PUS1: variants seen among roughly 807,000 people sequenced by gnomAD.
PUS1 encodes pseudouridine synthase 1.
PUS1 carries 25 observed loss-of-function variants against 38.5 expected under a neutral mutation model. The observed-to-expected ratio is 0.65, with a 90% CI of 0.47 to 0.91. The LOEUF is 0.91. Among genes scored for constraint, PUS1 ranks in the 40% least tolerant of loss-of-function variants. PUS1 has a pLI of 0.00. For synonymous variants in PUS1, 282 were observed against 260.4 expected (o/e 1.08, Z -0.80); for missense variants, 597 against 612.3 (o/e 0.97, Z 0.26).
Position 131,929,961 on chromosome 12 carries a change from CCAGGACCGGAGGTCCTG to C in PUS1, c.133_149del (p.Asp45ArgfsTer63). The C allele has an allele frequency of 6.6e-7, 1 of 1,516,688 alleles. No homozygotes were observed. The highest frequency in any genetic ancestry group is 8.8e-7 in the Non-Finnish European group (1 of 1,142,620). 94.0% of individuals were successfully genotyped at this position (1,516,688 alleles called of 1,614,324 possible). ...CGCCGCCCGCCGGAGCCGCATGCCC[CCAGGACCGGAGGTCCTG>C]CAGCGGCCGGGCCGGGGGCGACCGC... is the stretch of plus-strand genomic sequence containing the variant. On this transcript the variant is annotated frameshift_variant, in exon 2 of 6. Coordinates refer to ENST00000376649, the MANE Select transcript of PUS1 (RefSeq NM_025215.6). LOFTEE classifies it high-confidence loss of function.
Position 131,941,861 on chromosome 12 carries a change from C to T in PUS1, c.1114C>T (p.His372Tyr), listed in dbSNP as rs1169092377. 2 of 1,613,948 alleles carry T rather than the reference C, an allele frequency of 1.2e-6. No homozygotes were observed. Among genetic ancestry groups the T allele is most frequent in the South Asian group, 1.1e-5 (1 of 91,086 alleles). Reference sequence around the variant, plus strand: ...AAAGGTCGCAGCCTTCAAGGAGGAGCACATCTACCCCACCATCATCGGCAC... The same window carrying T: ...AAAGGTCGCAGCCTTCAAGGAGGAGTACATCTACCCCACCATCATCGGCAC... ...EGKVAAFKEE[H>Y]IYPTIIGTER... Residue 372 changes from histidine (H) to tyrosine (Y), a missense_variant, in exon 5 of 6, where the codon CAC becomes TAC. By Grantham distance (83) the His-to-Tyr change is moderately conservative. Coordinates refer to ENST00000376649, the MANE Select transcript of PUS1 (RefSeq NM_025215.6). This position sits in a 1 kb window ranked among gnomAD's most constrained non-coding sequence, Gnocchi z 4.4.
At chr12:131,934,715 GA>G (rs1475818894) in intron 3 of PUS1, 1 of 152,220 alleles carries the variant, frequency 6.6e-6, no homozygotes, top group African/African-American at 2.4e-5. Flanking sequence ...GGCAGACGGG[GA>G]CAGCAGAGCC....
At chr12:131,934,885 T>C (rs1369760651) in intron 3 of PUS1, 1 of 152,260 alleles carries the variant, frequency 6.6e-6, no homozygotes, top group Non-Finnish European at 1.5e-5. Context: ...CCGGTCAGGA[T>C]CCTCCGGGAA....
chr12:131,941,257 C>T lies in PUS1; in HGVS notation c.545-35C>T, dbSNP rs377257644. ...TCCCTGGTCATCCAGGCACTTCTCACCTGCCTTTCTCCTCCCTGACCACCT... is the reference window on the plus strand; with the variant it reads ...TCCCTGGTCATCCAGGCACTTCTCATCTGCCTTTCTCCTCCCTGACCACCT... On this transcript the variant is annotated intron_variant, in intron 4 of 5. Coordinates refer to ENST00000376649, the MANE Select transcript of PUS1 (RefSeq NM_025215.6). The surrounding 1 kb of genome is among the most constrained non-coding windows in gnomAD (Gnocchi z 4.4). 1.3e-6 allele frequency: 2 copies of T among 1,585,776 alleles called. No individual in the cohort carries two copies. The highest frequency in any genetic ancestry group is 1.1e-5 in the South Asian group (1 of 90,284).
chr12:131,932,960 C>T (rs192034683), intron 3 of PUS1: 11 of 345,556 alleles, frequency 3.2e-5, no homozygotes, highest in African/African-American at 1.5e-4. Context: ...CAGATCATGG[C>T]GGCAGGTGCG....
intron 3 of PUS1, among the ~76,000 whole-genome samples, chr12:131,933,391 C>T (rs936007462): frequency 2.0e-5 from 3 of 152,040 alleles, no homozygotes; most frequent in East Asian, 1.9e-4. Context: ...ATCCTCATTT[C>T]GGCGTGTAAT....
intron 3 of PUS1, among the ~76,000 whole-genome samples, chr12:131,938,948 A>G (rs879121721): frequency 1.3e-5 from 2 of 152,140 alleles, no homozygotes; most frequent in African/African-American, 4.8e-5. Context: ...ATTTCATGTT[A>G]GCCAGGATAG....
chr12:131,940,690 T>G (rs1347038743), intron 4 of PUS1, among the ~76,000 whole-genome samples: 1 of 152,158 alleles, frequency 6.6e-6, no homozygotes, highest in Non-Finnish European at 1.5e-5. Context: ...CAAGTGATTC[T>G]CCCACCTCAG....
At position 131,930,005 on chromosome 12, in the gene PUS1, T is replaced by C; in HGVS notation, c.173T>C (p.Val58Ala). The change falls in exon 2 of 6, where the codon GTC becomes GCC. Residue 58 changes from valine (V) to alanine (A), a missense_variant. Physicochemically the swap from Val to Ala is moderately conservative, Grantham distance 64. Transcript: ENST00000376649. ...SCSGRAGGDR[V>A]WEDGEHPAKK... ...AGCGGCCGGGCCGGGGGCGACCGCG[T>C]CTGGGAGGACGGAGAACATCCGGCG... The C allele has an allele frequency of 6.8e-7, 1 of 1,481,210 alleles. No individual in the cohort carries two copies. Among genetic ancestry groups the C allele is most frequent in the Non-Finnish European group, 8.9e-7 (1 of 1,124,456 alleles). 91.8% of individuals were successfully genotyped at this position (1,481,210 alleles called of 1,614,324 possible).
Position 131,936,650 on chromosome 12 carries a change from A to G in PUS1, c.442-2523A>G, listed in dbSNP as rs189404763. Among the ~76,000 whole-genome samples the G allele has an allele frequency of 8.6e-3, 1,314 of 152,278 alleles. 8 individuals are homozygous for G. The highest frequency in any genetic ancestry group is 0.012 in the Non-Finnish European group (817 of 68,012). ...ACGCCTGTAATCCCAACACTTTGGG[A>G]GGCCAAAGTGGACGGATCACTTGAG... On this transcript the variant is annotated intron_variant, in intron 3 of 5. Coordinates refer to ENST00000376649, the MANE Select transcript of PUS1 (RefSeq NM_025215.6).
rs1890478445 is a variant in PUS1, at chr12:131,929,507, G to A, written c.-216G>A. The A allele has an allele frequency of 6.2e-6, 3 of 483,952 alleles. No individual in the cohort carries two copies. The highest frequency in any genetic ancestry group is 4.1e-5 in the Admixed American group (1 of 24,676). The allele number at this position is 483,952 out of a possible 1,614,324, so 30.0% of individuals were successfully genotyped here. On this transcript the variant is annotated 5_prime_UTR_variant, in exon 1 of 6. Coordinates refer to ENST00000376649, the MANE Select transcript of PUS1 (RefSeq NM_025215.6). ...TTGGGCGCGGGGCCTGAGAGGTCAGGGGTCAGCAGGAGTGAGGCTGGGGCG... is the reference window on the plus strand; with the variant it reads ...TTGGGCGCGGGGCCTGAGAGGTCAGAGGTCAGCAGGAGTGAGGCTGGGGCG...
chr12:131,936,601 G>A (rs944142481), intron 3 of PUS1, among the ~76,000 whole-genome samples: 19 of 151,540 alleles, frequency 1.3e-4, no homozygotes, highest in Admixed American at 5.3e-4. Context: ...AAAAGTGTGC[G>A]GTTCAAGCTG....
chr12:131,933,972 G>C (rs554120115), intron 3 of PUS1, among the ~76,000 whole-genome samples: 10 of 152,354 alleles, frequency 6.6e-5, no homozygotes, highest in African/African-American at 2.4e-4. Context: ...TCAAGTGATT[G>C]ATAAGGTCAC....
intron 4 of PUS1, chr12:131,940,995 T>G: frequency 1.5e-5 from 7 of 461,722 alleles, no homozygotes; most frequent in East Asian, 3.8e-5. Context: ...ACTCCAAGCA[T>G]GTATCATTTC....
chr12:131,933,731 G>A (rs575990019), intron 3 of PUS1, among the ~76,000 whole-genome samples: 1 of 152,376 alleles, frequency 6.6e-6, no homozygotes, highest in Non-Finnish European at 1.5e-5. Flanking sequence ...TCTAAGGAGG[G>A]ACCCAGTGTA....
At chr12:131,938,381 G>C (rs1180519917) in intron 3 of PUS1, among the ~76,000 whole-genome samples, 1 of 152,162 alleles carries the variant, frequency 6.6e-6, no homozygotes, top group East Asian at 1.9e-4. Context: ...GGAGGTCAAG[G>C]TTGCTGTAAG....
At position 131,932,236 on chromosome 12, in the gene PUS1, G is replaced by C; in HGVS notation, c.365G>C (p.Arg122Pro). ...IEDDLVSALVRSGCIPENHGE... is the reference protein window; with the variant it reads ...IEDDLVSALVPSGCIPENHGE... ...GATGACTTGGTGTCCGCCCTCGTCC[G>C]GTCAGGCTGTATTCCTGAAAATCAT... The change falls in exon 3 of 6, where the codon CGG (arginine) becomes CCG (proline). Residue 122 changes from arginine to proline, a missense_variant. Coordinates refer to ENST00000376649, the MANE Select transcript of PUS1 (RefSeq NM_025215.6). 6.2e-7 allele frequency: 1 copy of C among 1,613,752 alleles called. No individual in the cohort carries two copies. The highest frequency in any genetic ancestry group is 8.5e-7 in the Non-Finnish European group (1 of 1,179,660).
chr12:131,943,377 C>G (rs1891172837), intron 5 of PUS1, among the ~76,000 whole-genome samples, 162 bp from the exon 6 acceptor site: 1 of 152,248 alleles, frequency 6.6e-6, no homozygotes, highest in Admixed American at 6.5e-5. Flanking sequence ...GGTTCCTGAC[C>G]TGGTTAAGAG....
Position 131,941,063 on chromosome 12 carries a change from T to A in PUS1, c.545-229T>A. On this transcript the variant is annotated intron_variant, in intron 4 of 5. Transcript: ENST00000376649. This position sits in a 1 kb window ranked among gnomAD's most constrained non-coding sequence, Gnocchi z 4.4. ...ATTGGAAAATTACAATAAATGGTTG[T>A]AAATTCAGTCACCTTATAGAGCACT... The A allele has an allele frequency of 1.8e-6, 1 of 569,752 alleles. No homozygotes were observed. The highest frequency in any genetic ancestry group is 3.1e-6 in the Non-Finnish European group (1 of 318,634). The allele number at this position is 569,752 out of a possible 1,614,324, so 35.3% of individuals were successfully genotyped here.
Sources: allele counts gnomAD v4.1 joint callset (sites outside exome capture counted in the v4.1 genomes callset), GRCh38; gene constraint gnomAD v4.1.1; non-coding constraint Gnocchi (gnomAD v3.1); transcripts MANE v1.5; gene names NCBI Gene and HGNC (gene_info 2026-07-23, HGNC 2026-07-21).